The following ACAD11 variants were observed in gnomAD, a reference collection of about 807,000 sequenced individuals.
ACAD11 encodes the protein acyl-Coenzyme A dehydrogenase family, member 11.
A neutral mutation model predicts 102.2 loss-of-function variants in ACAD11; 83 were observed. The observed-to-expected ratio is 0.81, with a 90% CI of 0.68 to 0.97. ACAD11 has a LOEUF of 0.97. Ranked by LOEUF, ACAD11 falls within the 50% of genes least tolerant of loss-of-function variation. The pLI is 0.00. For missense variants in ACAD11, 901 were observed against 951.7 expected, an observed-to-expected ratio of 0.95 and a Z score of 0.70; for synonymous variants, 324 against 319.8, an observed-to-expected ratio of 1.01 and a Z score of -0.14.
At chr3:132,648,810 G>A (rs1341536623) in intron 1 of ACAD11, 2 of 152,190 alleles carry the variant, frequency 1.3e-5, no homozygotes, top group Admixed American at 6.5e-5. Context: ...AGGGAAAAGA[G>A]AGATCAGACT....
At chr3:132,626,652 T>A in intron 9 of ACAD11, 39 bp downstream of exon 9, 2 of 1,608,646 alleles carry the variant, frequency 1.2e-6, no homozygotes, top group South Asian at 1.1e-5. Context: ...TCATTGATAG[T>A]CCTTTAGCAG....
intron 13 of ACAD11, chr3:132,600,640 G>A: frequency 1.2e-6 from 2 of 1,613,604 alleles, no homozygotes; most frequent in Non-Finnish European, 1.7e-6. Flanking sequence ...TGTACATCCT[G>A]AATTTGGCTG....
chr3:132,585,220 C>T (rs975757234), intron 13 of ACAD11, among the ~76,000 whole-genome samples: 35 of 152,236 alleles, frequency 2.3e-4, no homozygotes, highest in African/African-American at 8.2e-4. Flanking sequence ...CTTTGACAAA[C>T]CTGACAAAAA....
chr3:132,614,244 C>A (rs537854280), intron 11 of ACAD11, among the ~76,000 whole-genome samples: 4 of 152,174 alleles, frequency 2.6e-5, no homozygotes, highest in Non-Finnish European at 5.9e-5. Context: ...AATGGCCATA[C>A]TGCCCAAAGT....
chr3:132,566,153 A>G (rs1210797379), intron 17 of ACAD11, among the ~76,000 whole-genome samples: 1 of 152,066 alleles, frequency 6.6e-6, no homozygotes, highest in Non-Finnish European at 1.5e-5. Context: ...GGTATTTTAT[A>G]AGTAAAAAAT....
chr3:132,650,962 C>T (rs1044913561), intron 1 of ACAD11, among the ~76,000 whole-genome samples: 11 of 152,206 alleles, frequency 7.2e-5, no homozygotes, highest in Admixed American at 2.0e-4. Flanking sequence ...TTCCACTGTG[C>T]CCCTGGAACT....
At chr3:132,613,730 C>CT (rs1459872129) in intron 11 of ACAD11, among the ~76,000 whole-genome samples, 1 of 151,980 alleles carries the variant, frequency 6.6e-6, no homozygotes, top group Admixed American at 6.6e-5. Flanking sequence ...GAAACCACAT[C>CT]TCTACTAAAA....
intron 17 of ACAD11, among the ~76,000 whole-genome samples, chr3:132,572,300 C>G (rs915574955): frequency 6.6e-6 from 1 of 151,796 alleles, no homozygotes; most frequent in African/African-American, 2.4e-5. Flanking sequence ...ACAGTTGCCA[C>G]AAAAAGAATA....
At chr3:132,619,326 CTATT>C in intron 10 of ACAD11, 138 bp downstream of exon 10, 1 of 531,984 alleles carries the variant, frequency 1.9e-6, no homozygotes, top group Non-Finnish European at 3.3e-6. Context: ...GTTATAGATT[CTATT>C]TATTAACTTT....
At chr3:132,647,608 A>C (rs891644279) in intron 1 of ACAD11, 1 of 152,140 alleles carries the variant, frequency 6.6e-6, no homozygotes, top group Non-Finnish European at 1.5e-5. Flanking sequence ...TCTTCAGCAG[A>C]CCCCTTGCAG....
intron 11 of ACAD11, among the ~76,000 whole-genome samples, chr3:132,617,309 G>A (rs1939444316): frequency 1.3e-5 from 2 of 152,114 alleles, no homozygotes; most frequent in Admixed American, 6.6e-5. Flanking sequence ...GGTTCCTTAG[G>A]TGGTTCTTCT....
At chr3:132,613,162 T>C (rs1375784332) in intron 11 of ACAD11, among the ~76,000 whole-genome samples, 1 of 142,834 alleles carries the variant, frequency 7.0e-6, no homozygotes, top group Non-Finnish European at 1.5e-5. Context: ...CACTCATAGG[T>C]GGGAATTGAA....
At chr3:132,610,269 A>G (rs1038436255) in intron 11 of ACAD11, among the ~76,000 whole-genome samples, 1 of 152,144 alleles carries the variant, frequency 6.6e-6, no homozygotes, top group Non-Finnish European at 1.5e-5. Flanking sequence ...CCACAAGAGA[A>G]AGCAGGAAAG....
intron 18 of ACAD11, 97 bp from the exon 19 acceptor site, chr3:132,560,039 G>A: frequency 1.1e-6 from 1 of 894,472 alleles, no homozygotes; most frequent in Non-Finnish European, 1.7e-6. Flanking sequence ...CCACATCCAA[G>A]TCACCACTAA....
intron 5 of ACAD11, among the ~76,000 whole-genome samples, chr3:132,632,341 G>A (rs950141514): frequency 3.3e-5 from 5 of 151,948 alleles, no homozygotes; most frequent in African/African-American, 4.8e-5. Context: ...CGCCTTGGCC[G>A]CCCAAAGGGA....
Position 132,588,773 on chromosome 3 carries a change from CAT to C in ACAD11, c.1622-9217_1622-9216del, listed in dbSNP as rs201622618. On this transcript the variant is annotated intron_variant, in intron 13 of 19. Coordinates refer to ENST00000264990, the MANE Select transcript of ACAD11 (RefSeq NM_032169.5). Reference sequence around the variant, plus strand: ...GTTAAGTTTTAAAAATCTTAAATGTCATATTCTTCACAGTAACTCTATTTGGC... The same window carrying C: ...GTTAAGTTTTAAAAATCTTAAATGTCATTCTTCACAGTAACTCTATTTGGC... Among the ~76,000 whole-genome samples the C allele has an allele frequency of 6.6e-3, 1,011 of 152,256 alleles. 10 individuals carry two copies. The highest frequency in any genetic ancestry group is 0.023 in the African/African-American group (967 of 41,554).
chr3:132,648,155 C>T (rs551469953), intron 1 of ACAD11, among the ~76,000 whole-genome samples: 1 of 152,298 alleles, frequency 6.6e-6, no homozygotes, highest in South Asian at 2.1e-4. Context: ...TTGGCACCAG[C>T]TTCCAGGGCC....
chr3:132,600,531 C>A, intron 13 of ACAD11: 1 of 1,613,916 alleles, frequency 6.2e-7, no homozygotes. Context: ...GTTTTCCTCC[C>A]TGTATTCCTC....
rs192715114 is a variant in ACAD11, at chr3:132,559,411, A to G, written c.2229-326T>C. Among the ~76,000 whole-genome samples, 169 of 152,250 alleles carry G rather than the reference A, an allele frequency of 1.1e-3. 1 individual carries two copies. The highest frequency in any genetic ancestry group is 4.6e-3 in the Admixed American group (70 of 15,302). On this transcript the variant is annotated intron_variant, in intron 19 of 19. Coordinates refer to ENST00000264990, the MANE Select transcript of ACAD11 (RefSeq NM_032169.5). ...ATTTAGTTCTTTCTTAAGGTTTAAA[A>G]TTGATGAAGGATGAGACTCTATCTC...
Sources: gnomAD v4.1 joint callset for allele counts (sites outside exome capture counted in the v4.1 genomes callset) on GRCh38, gnomAD v4.1.1 for gene constraint, MANE v1.5 for transcripts, NCBI Gene and HGNC (gene_info 2026-07-23, HGNC 2026-07-21) for gene names.